Variants in EVC observed in about 807,000 individuals in gnomAD.
EVC encodes the protein EvC ciliary complex subunit 1.
Under a neutral mutation model 118.9 loss-of-function variants are expected in EVC, and 116 were observed. That is an observed-to-expected ratio of 0.98 (90% CI 0.84 to 1.14). The LOEUF (loss-of-function observed/expected upper bound fraction) is 1.14. Among genes scored for constraint, EVC ranks in the 50% most tolerant of loss-of-function variants. The pLI, the probability that EVC is intolerant of heterozygous loss-of-function variation, is 0.00. For missense variants in EVC, 1,401 were observed against 1,246.4 expected (o/e 1.12, Z -1.87); for synonymous variants, 619 against 534.7 (o/e 1.16, Z -2.18).
At chr4:5,821,527 A>G in the EVC span, 1 of 545,744 alleles carries the variant, frequency 1.8e-6, no homozygotes, top group African/African-American at 1.9e-5. This position sits in a 1 kb window ranked among gnomAD's most constrained non-coding sequence, Gnocchi z 4.4. Context: ...GAATGAAAAC[A>G]CCATGCTCCG....
In EVC at chr4:5,724,208, A is replaced by T. The variant is rs540809177; in HGVS notation, c.300+4835A>T. On this transcript the variant is annotated intron_variant, in intron 2 of 20. Coordinates refer to ENST00000264956, the MANE Select transcript of EVC (RefSeq NM_153717.3). ...GAGACGGCAGACCCTCAATACATGGATGAGGAGCTGGTTAGGAAGTGATTG... is the reference window on the plus strand; with the variant it reads ...GAGACGGCAGACCCTCAATACATGGTTGAGGAGCTGGTTAGGAAGTGATTG... 4.9e-4 allele frequency among the ~76,000 whole-genome samples: 74 copies of T among 152,362 alleles called. No individual in the cohort carries two copies. The South Asian group carries it at 0.013, about 28-fold the overall frequency.
intron 11 of EVC, among the ~76,000 whole-genome samples, chr4:5,778,098 T>C (rs1367970597): frequency 6.6e-6 from 1 of 151,478 alleles, no homozygotes; most frequent in East Asian, 1.9e-4. Context: ...GTTTGGTTTT[T>C]TGTTCTTGCG....
intron 11 of EVC, among the ~76,000 whole-genome samples, chr4:5,775,169 C>T (rs1008767152): frequency 6.6e-6 from 1 of 152,158 alleles, no homozygotes; most frequent in African/African-American, 2.4e-5. Flanking sequence ...AAAAATCTGT[C>T]TCCTGGCAGA....
chr4:5,757,440 C>G (rs967919508), intron 11 of EVC, among the ~76,000 whole-genome samples: 1 of 152,234 alleles, frequency 6.6e-6, no homozygotes, highest in Non-Finnish European at 1.5e-5. Context: ...AGTCATGTCT[C>G]TGTTAACCTG....
rs1553896708 is a variant in EVC at position 5,810,971 on chromosome 4, GCAAGAAAGTGAAGCTGGGGA to G, written c.2916_2935del (p.Glu973TrpfsTer16). 6.2e-7 allele frequency: 1 copy of G among 1,612,744 alleles called. No homozygotes were observed. The highest frequency in any genetic ancestry group is 2.2e-5 in the East Asian group (1 of 44,824). On this transcript the variant is annotated frameshift_variant, in exon 21 of 21. Coordinates refer to ENST00000264956, the MANE Select transcript of EVC (RefSeq NM_153717.3). LOFTEE classifies it low-confidence loss of function (END_TRUNC). ...TTTTAAGCAGCAAAAGGCTGAGTCAGCAAGAAAGTGAAGCTGGGGACAGTGGGAACTCAAAGAAGATGCTA... is the reference window on the plus strand; with the variant it reads ...TTTTAAGCAGCAAAAGGCTGAGTCAGCAGTGGGAACTCAAAGAAGATGCTA...
intron 11 of EVC, among the ~76,000 whole-genome samples, chr4:5,766,705 AG>A (rs2152161025): frequency 7.6e-6 from 1 of 132,430 alleles, no homozygotes; most frequent in South Asian, 2.8e-4. Context: ...TCGGCTCCTG[AG>A]GCTTCTGCAT....
intron 2 of EVC, among the ~76,000 whole-genome samples, chr4:5,720,003 G>A (rs1180378657): frequency 6.6e-6 from 1 of 152,088 alleles, no homozygotes; most frequent in East Asian, 1.9e-4. Flanking sequence ...AAATCTCTGG[G>A]GGTGGGGGTG....
the EVC span, chr4:5,828,028 C>A: frequency 1.0e-6 from 1 of 985,166 alleles, no homozygotes; most frequent in African/African-American, 1.7e-5. Flanking sequence ...AAGGGCGGAT[C>A]TGAAGGAAGC....
chr4:5,794,153 C>T (rs1394419845), intron 13 of EVC, among the ~76,000 whole-genome samples: 1 of 149,760 alleles, frequency 6.7e-6, no homozygotes, highest in Non-Finnish European at 1.5e-5. Flanking sequence ...CACATTTTTG[C>T]TATAACAATT....
chr4:5,761,719 G>T (rs10004227), intron 11 of EVC, among the ~76,000 whole-genome samples: 73,302 of 151,334 alleles, frequency 0.48, 18,561 homozygotes, highest in African/African-American at 0.63. Context: ...TTGAAAGGGC[G>T]GGTTTCTGTT....
At chr4:5,807,606 C>T (rs1333392866) in intron 17 of EVC, among the ~76,000 whole-genome samples, 2 of 152,160 alleles carry the variant, frequency 1.3e-5, no homozygotes, top group Non-Finnish European at 2.9e-5. Flanking sequence ...GGCCCTGGGG[C>T]TCAGGTACCC....
At chr4:5,763,483 A>G (rs1402696528) in intron 11 of EVC, among the ~76,000 whole-genome samples, 5 of 147,318 alleles carry the variant, frequency 3.4e-5, no homozygotes, top group Admixed American at 1.4e-4. Flanking sequence ...TCTATAAATT[A>G]CCTTGGGCAG....
At chr4:5,734,179 T>C (rs1727309945) in intron 5 of EVC, among the ~76,000 whole-genome samples, 1 of 151,628 alleles carries the variant, frequency 6.6e-6, no homozygotes, top group African/African-American at 2.4e-5. Flanking sequence ...ATGACGGGGG[T>C]TAAAAAAAAG....
downstream of EVC, among the ~76,000 whole-genome samples, chr4:5,814,685 C>T (rs1259361695): frequency 6.6e-6 from 1 of 152,150 alleles, no homozygotes; most frequent in African/African-American, 2.4e-5. Flanking sequence ...TGTCTTCTCT[C>T]ATGGCCTCAC....
intron 19 of EVC, 27 bp from the exon 20 acceptor site, chr4:5,810,312 A>T: frequency 1.9e-6 from 3 of 1,576,084 alleles, no homozygotes. Flanking sequence ...TCACAGAGCC[A>T]TGCCTGGGTT....
At chr4:5,792,324 A>G (rs1021373497) in intron 12 of EVC, among the ~76,000 whole-genome samples, 1 of 152,252 alleles carries the variant, frequency 6.6e-6, no homozygotes, top group African/African-American at 2.4e-5. Context: ...ACAATATCCC[A>G]GGCAAATATC....
intron 1 of EVC, 53 bp downstream of exon 1, chr4:5,711,607 T>C: frequency 8.7e-7 from 1 of 1,144,802 alleles, no homozygotes. Flanking sequence ...GCGCGTGGCT[T>C]CTGGGTCCTG....
chr4:5,806,435 T>G (rs10026938), intron 17 of EVC, among the ~76,000 whole-genome samples: 10,740 of 152,238 alleles, frequency 0.071, 564 homozygotes, highest in South Asian at 0.13. Flanking sequence ...CACTCATAAC[T>G]GAAAATATGA....
At chr4:5,718,305 A>G (rs1488881381) in intron 1 of EVC, among the ~76,000 whole-genome samples, 2 of 152,304 alleles carry the variant, frequency 1.3e-5, no homozygotes, top group African/African-American at 2.4e-5. Context: ...CTGTTTAAAG[A>G]TATCTTATTT....
Sources: gnomAD v4.1 joint callset for allele counts (sites outside exome capture counted in the v4.1 genomes callset) on GRCh38, gnomAD v4.1.1 for gene constraint, Gnocchi (gnomAD v3.1) non-coding constraint, MANE v1.5 for transcripts, NCBI Gene and HGNC (gene_info 2026-07-23, HGNC 2026-07-21) for gene names.